PLCH1: variants seen among roughly 807,000 people sequenced by gnomAD.
PLCH1 encodes the protein 1-phosphatidylinositol 4,5-bisphosphate phosphodiesterase eta-1.
In PLCH1, 60 loss-of-function variants were observed where a neutral mutation model predicts 126.7. The ratio of observed to expected loss-of-function variants is 0.47; its 90% CI spans 0.38 to 0.59. The LOEUF (loss-of-function observed/expected upper bound fraction) is 0.59, where lower values mean the gene tolerates loss of function less well. Ranked by LOEUF, PLCH1 falls within the 20% of genes least tolerant of loss-of-function variation. The probability of loss-of-function intolerance (pLI) is 0.00; values close to 1 mark genes in which losing one functional copy is unlikely to be tolerated. For synonymous variants in PLCH1, 719 were observed against 734.9 expected (o/e 0.98, Z 0.35); for missense variants, 1,723 against 2,040.0 (o/e 0.84, Z 2.99).
chr3:155,635,687 G>C (rs1026584033), intron 2 of PLCH1, among the ~76,000 whole-genome samples: 7 of 152,174 alleles, frequency 4.6e-5, no homozygotes, highest in African/African-American at 1.7e-4. Context: ...GCAAGTCTAA[G>C]AGCTGCCACC....
Position 155,506,277 on chromosome 3 carries a change from G to C in PLCH1, c.1633-1651C>G, listed in dbSNP as rs1198349525. 2.7e-5 allele frequency among the ~76,000 whole-genome samples: 4 copies of C among 150,926 alleles called. No homozygotes were observed. The East Asian group carries it at 7.7e-4, about 29-fold the overall frequency. On this transcript the variant is annotated intron_variant, in intron 12 of 22. Transcript: ENST00000460012. ...CTTGTTGGTGATAAAACAGGATTCT[G>C]TCTAGCTACAAGTCCTCTCTCTGGC...
intron 21 of PLCH1, chr3:155,457,367 T>C (rs1476655934): frequency 6.6e-6 from 1 of 152,210 alleles, no homozygotes. Flanking sequence ...ATGTGCTCCA[T>C]TGTCCCATTG....
At chr3:155,461,737 G>A (rs1042409502) in intron 21 of PLCH1, among the ~76,000 whole-genome samples, 4 of 152,148 alleles carry the variant, frequency 2.6e-5, no homozygotes, top group Non-Finnish European at 5.9e-5. Flanking sequence ...GTTCCTCTCC[G>A]GAGTGACCCT....
chr3:155,565,852 C>T (rs920006539), intron 7 of PLCH1, among the ~76,000 whole-genome samples: 2 of 151,332 alleles, frequency 1.3e-5, no homozygotes, highest in Non-Finnish European at 2.9e-5. Flanking sequence ...TGCGCCACTG[C>T]GTGTAGCTAA....
intron 6 of PLCH1, among the ~76,000 whole-genome samples, chr3:155,579,615 C>T (rs968528616): frequency 2.0e-5 from 3 of 152,000 alleles, no homozygotes; most frequent in Non-Finnish European, 4.4e-5. Flanking sequence ...CTGATGAAGA[C>T]GATAAGAGAA....
chr3:155,703,684 A>C (rs1746438667), intron 2 of PLCH1, among the ~76,000 whole-genome samples: 1 of 152,238 alleles, frequency 6.6e-6, no homozygotes, highest in African/African-American at 2.4e-5. Context: ...CAGCAATAAA[A>C]GTGGGTGGAC....
chr3:155,531,844 A>G (rs968565790), intron 10 of PLCH1, among the ~76,000 whole-genome samples: 1 of 152,156 alleles, frequency 6.6e-6, no homozygotes, highest in Non-Finnish European at 1.5e-5. Flanking sequence ...AGCCTTCACA[A>G]AATTTAAGAG....
At chr3:155,613,994 T>C (rs918125773) in intron 2 of PLCH1, among the ~76,000 whole-genome samples, 8 of 152,186 alleles carry the variant, frequency 5.3e-5, no homozygotes, top group Admixed American at 2.0e-4. Context: ...AGCACTGCTA[T>C]ACACCAACAA....
At position 155,482,889 on chromosome 3, in the gene PLCH1, TCTC is replaced by T. The variant is rs1278941525; in HGVS notation, c.3134_3136del (p.Gly1045del). Reference sequence around the variant, plus strand: ...CCTAGGACTTGACATGCCCAGCTGTTCTCCTGTGACTGACATGTGGGCAGTAGA... The same window carrying T: ...CCTAGGACTTGACATGCCCAGCTGTTCTGTGACTGACATGTGGGCAGTAGA... On this transcript the variant is annotated inframe_deletion, in exon 23 of 23. Transcript: ENST00000460012. The T allele has an allele frequency of 6.2e-7, 1 of 1,614,212 alleles. No homozygotes were observed. Among genetic ancestry groups the T allele is most frequent in the South Asian group, 1.1e-5 (1 of 91,082 alleles).
At chr3:155,525,611 C>A (rs1368389631) in intron 10 of PLCH1, among the ~76,000 whole-genome samples, 2 of 152,168 alleles carry the variant, frequency 1.3e-5, no homozygotes, top group Non-Finnish European at 2.9e-5. Context: ...GTGTCCTTAA[C>A]ACTTATGCCT....
intron 2 of PLCH1, among the ~76,000 whole-genome samples, chr3:155,610,389 ACC>A (rs1491172454): frequency 1.6e-3 from 169 of 108,928 alleles, no homozygotes; most frequent in African/African-American, 2.5e-3. Flanking sequence ...AAAAAAAAAA[ACC>A]ATCACCTAGG....
At position 155,482,934 on chromosome 3, in the gene PLCH1, T is replaced by G; in HGVS notation, c.3092A>C (p.Gln1031Pro). ...SSALLHKDTS[Q>P]GDTIVSTAHM... ...GGCAGTAGATACAATGGTGTCCCCT[T>G]GGCTGGTATCTTTGTGGAGCAGAGC... is the stretch of plus-strand genomic sequence containing the variant. The change falls in exon 23 of 23, where the codon CAA becomes CCA. Residue 1031 changes from glutamine (Q) to proline (P), a missense_variant. Gln to Pro is a moderately conservative substitution (Grantham distance 76, BLOSUM62 -1). Transcript: ENST00000460012. The G allele has an allele frequency of 1.2e-6, 2 of 1,614,212 alleles. No homozygotes were observed. The highest frequency in any genetic ancestry group is 2.7e-5 in the African/African-American group (2 of 75,066).
chr3:155,676,182 TGC>T, intron 2 of PLCH1: 1 of 1,331,536 alleles, frequency 7.5e-7, no homozygotes, highest in Non-Finnish European at 9.7e-7. Flanking sequence ...ACTTGGCTCA[TGC>T]TGCCCTTTAT....
chr3:155,734,923 A>G (rs1749056729), intron 1 of PLCH1, among the ~76,000 whole-genome samples: 2 of 151,946 alleles, frequency 1.3e-5, no homozygotes. Context: ...ATTAGCCAGG[A>G]TGGTCTCGAT....
intron 1 of PLCH1, among the ~76,000 whole-genome samples, chr3:155,730,103 T>C (rs569252200): frequency 6.6e-6 from 1 of 152,178 alleles, no homozygotes; most frequent in African/African-American, 2.4e-5. Flanking sequence ...GCAGCAGAGA[T>C]GGGTTCTTAA....
At chr3:155,611,561 C>G (rs1251000678) in intron 2 of PLCH1, among the ~76,000 whole-genome samples, 1 of 152,094 alleles carries the variant, frequency 6.6e-6, no homozygotes, top group Admixed American at 6.5e-5. Context: ...AACAACAACA[C>G]AATAATACTG....
intron 2 of PLCH1, among the ~76,000 whole-genome samples, chr3:155,624,250 T>C (rs951062680): frequency 1.3e-5 from 2 of 152,170 alleles, no homozygotes; most frequent in South Asian, 4.1e-4. Flanking sequence ...GGGACGTAGC[T>C]CAAAATAATA....
At chr3:155,470,185 T>G (rs1713136916) in intron 21 of PLCH1, among the ~76,000 whole-genome samples, 2 of 150,916 alleles carry the variant, frequency 1.3e-5, no homozygotes, top group African/African-American at 2.4e-5. Context: ...TGAAAAAAAT[T>G]TAGAAGAATG....
chr3:155,557,722 T>G (rs1318757014), intron 8 of PLCH1, among the ~76,000 whole-genome samples: 1 of 152,144 alleles, frequency 6.6e-6, no homozygotes, highest in African/African-American at 2.4e-5. Context: ...CCGGGGCCCA[T>G]TTTTCAATCA....
Sources: gnomAD v4.1 joint callset for allele counts (sites outside exome capture counted in the v4.1 genomes callset) on GRCh38, gnomAD v4.1.1 for gene constraint, MANE v1.5 for transcripts, NCBI Gene and HGNC (gene_info 2026-07-23, HGNC 2026-07-21) for gene names.